PAN3: variants seen among roughly 807,000 people sequenced by gnomAD.
PAN3 encodes poly(A) specific ribonuclease subunit PAN3, also known as PAN2-PAN3 deadenylation complex subunit PAN3.
PAN3 carries 19 observed loss-of-function variants against 96.2 expected under a neutral mutation model. The observed-to-expected ratio is 0.20, with a 90% confidence interval of 0.14 to 0.29. PAN3 has a LOEUF of 0.29. Ranked by LOEUF, PAN3 falls within the 10% of genes least tolerant of loss-of-function variation. PAN3 has a pLI of 1.00. For missense variants in PAN3, 882 were observed against 1,108.1 expected (o/e 0.80, Z 2.90); for synonymous variants, 433 against 406.6 (o/e 1.06, Z -0.78).
At position 28,231,920 on chromosome 13, in the gene PAN3, A is replaced by C. The variant is rs1882597722; in HGVS notation, c.1000+11542A>C. Among the ~76,000 whole-genome samples the C allele has an allele frequency of 2.0e-5, 3 of 152,246 alleles. No individual in the cohort carries two copies. In the South Asian group the frequency reaches 6.2e-4, roughly 32 times the overall value. On this transcript the variant is annotated intron_variant, in intron 6 of 18. Transcript: ENST00000380958. Reference sequence around the variant, plus strand: ...CTGTCTCTGAAAATGAAAATAAATAAATAAATAAATCTTTTTAGAGTACTT... The same window carrying C: ...CTGTCTCTGAAAATGAAAATAAATACATAAATAAATCTTTTTAGAGTACTT...
chr13:28,144,825 G>A (rs1426832901), intron 1 of PAN3, among the ~76,000 whole-genome samples: 2 of 131,392 alleles, frequency 1.5e-5, no homozygotes, highest in African/African-American at 7.4e-5. Context: ...GGTTCAAGCG[G>A]TTCTCCTGCC....
intron 1 of PAN3, among the ~76,000 whole-genome samples, chr13:28,170,977 G>A (rs985272758): frequency 2.6e-5 from 4 of 151,842 alleles, no homozygotes; most frequent in African/African-American, 9.7e-5. Context: ...TGTATTTTTA[G>A]CAGAGATGAG....
intron 5 of PAN3, among the ~76,000 whole-genome samples, chr13:28,204,470 T>C (rs189593621): frequency 1.6e-3 from 238 of 152,364 alleles, no homozygotes; most frequent in Non-Finnish European, 3.0e-3. Context: ...CAGTTTTACC[T>C]TATCACCTTA....
At chr13:28,241,751 AAATG>A (rs1883684674) in intron 6 of PAN3, among the ~76,000 whole-genome samples, 1 of 152,184 alleles carries the variant, frequency 6.6e-6, no homozygotes, top group African/African-American at 2.4e-5. Context: ...ATTTGGTTAA[AAATG>A]AATAAGTATT....
chr13:28,194,466 A>ATATATATTTTTTTT (rs1429166016), intron 4 of PAN3, among the ~76,000 whole-genome samples: 3 of 122,132 alleles, frequency 2.5e-5, no homozygotes, highest in African/African-American at 1.1e-4. Flanking sequence ...ATATATATAT[A>ATATATATTTTTTTT]TTTTTTTTTT....
chr13:28,273,473 A>C (rs1273329351), intron 14 of PAN3, among the ~76,000 whole-genome samples: 1 of 152,074 alleles, frequency 6.6e-6, no homozygotes, highest in Non-Finnish European at 1.5e-5. Context: ...GTGGTGGCAC[A>C]CACCTGTAGT....
At chr13:28,276,133 A>G (rs1428252170) in intron 14 of PAN3, among the ~76,000 whole-genome samples, 1 of 152,158 alleles carries the variant, frequency 6.6e-6, no homozygotes, top group African/African-American at 2.4e-5. Context: ...AAAAATACCA[A>G]TACCTAGATT....
intron 14 of PAN3, among the ~76,000 whole-genome samples, chr13:28,275,563 G>T (rs1566253136): frequency 6.6e-6 from 1 of 152,186 alleles, no homozygotes; most frequent in African/African-American, 2.4e-5. Context: ...ATCGCCCATA[G>T]AAATTTATAG....
chr13:28,190,153 C>T (rs1877055216), intron 4 of PAN3, among the ~76,000 whole-genome samples: 1 of 152,126 alleles, frequency 6.6e-6, no homozygotes, highest in Admixed American at 6.5e-5. Flanking sequence ...CCATGTTGGC[C>T]AGGCTGGTCT....
At chr13:28,163,684 T>C (rs1873166149) in intron 1 of PAN3, among the ~76,000 whole-genome samples, 1 of 152,216 alleles carries the variant, frequency 6.6e-6, no homozygotes, top group African/African-American at 2.4e-5. Context: ...TTGATTATAC[T>C]CCAGATGGTA....
chr13:28,264,302 G>A (rs1238789848), intron 9 of PAN3, among the ~76,000 whole-genome samples: 1 of 152,200 alleles, frequency 6.6e-6, no homozygotes, highest in Non-Finnish European at 1.5e-5. Flanking sequence ...ACTTTGGGAG[G>A]CCAAGGTGAG....
intron 4 of PAN3, among the ~76,000 whole-genome samples, chr13:28,193,395 C>T (rs1031887248): frequency 2.6e-5 from 4 of 152,022 alleles, no homozygotes; most frequent in East Asian, 1.9e-4. Flanking sequence ...AATGAAGAAA[C>T]GTAATTTAAT....
At position 28,290,235 on chromosome 13, in the gene PAN3, A is replaced by T. The variant is rs76723145; in HGVS notation, c.2523+2113A>T. On this transcript the variant is annotated intron_variant, in intron 18 of 18. Transcript: ENST00000380958. ...CCTAAATTATAAGTACTAGAGGAAA[A>T]AATATCTACTGTAGCACATGATTTA... is the stretch of plus-strand genomic sequence containing the variant. 9.8e-3 allele frequency among the ~76,000 whole-genome samples: 1,487 copies of T among 152,344 alleles called. 21 individuals carry two copies. Among genetic ancestry groups the T allele is most frequent in the African/African-American group, 0.034 (1,399 of 41,572 alleles).
At position 28,138,719 on chromosome 13, in the gene PAN3, TGGCGGCGGC is replaced by T; in HGVS notation, c.65_73del (p.Ala22_Ala24del). 8.4e-7 allele frequency: 1 copy of T among 1,192,486 alleles called. No homozygotes were observed. The highest frequency in any genetic ancestry group is 1.1e-6 in the Non-Finnish European group (1 of 934,204). The allele number at this position is 1,192,486 out of a possible 1,614,324, so 73.9% of individuals were successfully genotyped here. A position where few individuals can be genotyped will look rare whatever the true frequency, so the allele number is the denominator to read the frequency against. ...GCCGCCTCCCCTTCCTCCTCCTCGC[TGGCGGCGGC>T]GGTGGCGGTGGTGGCCCCGCCGGGG... is the stretch of plus-strand genomic sequence containing the variant. On this transcript the variant is annotated inframe_deletion, in exon 1 of 19. Coordinates refer to ENST00000380958, the MANE Select transcript of PAN3 (RefSeq NM_175854.8).
chr13:28,274,049 T>C (rs534590297), intron 14 of PAN3, among the ~76,000 whole-genome samples: 1 of 152,166 alleles, frequency 6.6e-6, no homozygotes, highest in Non-Finnish European at 1.5e-5. Context: ...TTCAGTTGTT[T>C]GCAGACGTTT....
chr13:28,212,807 A>G (rs1412787410), intron 5 of PAN3, among the ~76,000 whole-genome samples: 1 of 152,182 alleles, frequency 6.6e-6, no homozygotes, highest in African/African-American at 2.4e-5. Context: ...CGCAGAGAAA[A>G]TGTGAGCCAT....
At position 28,280,457 on chromosome 13, in the gene PAN3, C is replaced by T. The variant is rs376507266; in HGVS notation, c.2235C>T (p.Ile745=). ...ACAGGATGCGAAGTGTAAATGACAT[C>T]ATGCCCATGATTGGTGCTCGATTTT... ...DQNRMRSVND[I]MPMIGARFYT... is the part of the protein sequence containing the mutation. The change falls in exon 16 of 19, where the codon ATC becomes ATT. Residue 745 remains isoleucine, a synonymous_variant. Coordinates refer to ENST00000380958, the MANE Select transcript of PAN3 (RefSeq NM_175854.8). 7.4e-6 allele frequency: 12 copies of T among 1,613,010 alleles called. No individual in the cohort carries two copies. The highest frequency in any genetic ancestry group is 1.0e-5 in the Non-Finnish European group (12 of 1,179,410).
At chr13:28,204,871 G>C (rs1207619736) in intron 5 of PAN3, among the ~76,000 whole-genome samples, 1 of 152,194 alleles carries the variant, frequency 6.6e-6, no homozygotes, top group African/African-American at 2.4e-5. Context: ...TTGTTTTAGT[G>C]AAGTGATACA....
chr13:28,285,237 T>C (rs761831195), intron 17 of PAN3, among the ~76,000 whole-genome samples: 4 of 152,190 alleles, frequency 2.6e-5, no homozygotes, highest in Admixed American at 1.3e-4. Context: ...CCAGGTGTTA[T>C]CTGCAAATAA....
Sources: gnomAD v4.1 joint callset for allele counts (sites outside exome capture counted in the v4.1 genomes callset) on GRCh38, gnomAD v4.1.1 for gene constraint, MANE v1.5 for transcripts, NCBI Gene and HGNC (gene_info 2026-07-23, HGNC 2026-07-21) for gene names.